The following THBS2 variants were observed in gnomAD, a reference collection of about 807,000 sequenced individuals.
THBS2 encodes thrombospondin 2, also known as thrombospondin-2.
In THBS2, 47 loss-of-function variants were observed where a neutral mutation model predicts 135.2. The observed-to-expected ratio is 0.35, with a 90% CI of 0.28 to 0.44. THBS2 has a LOEUF of 0.44. Ranked by LOEUF, THBS2 falls within the 20% of genes least tolerant of loss-of-function variation. THBS2 has a pLI of 1.00. For synonymous variants in THBS2, 639 were observed against 633.8 expected (o/e 1.01, Z -0.12); for missense variants, 1,288 against 1,603.1 (o/e 0.80, Z 3.36).
intron 4 of THBS2, among the ~76,000 whole-genome samples, chr6:169,242,609 TTCCCACCGC>T (rs201139005): frequency 2.2e-4 from 17 of 76,346 alleles, no homozygotes; most frequent in South Asian, 1.1e-3. Flanking sequence ...CATTCCCACC[TTCCCACCGC>T]TCCCACCTTC....
At chr6:169,232,248 G>A (rs745380027) in intron 12 of THBS2, 50 bp from the exon 13 acceptor site, 2 of 1,597,328 alleles carry the variant, frequency 1.3e-6, no homozygotes, top group Non-Finnish European at 1.7e-6. Context: ...CGATGGCTCC[G>A]GAGGCGTCGA....
intron 1 of THBS2, among the ~76,000 whole-genome samples, chr6:169,251,708 C>T (rs1425919032): frequency 6.6e-6 from 1 of 152,158 alleles, no homozygotes; most frequent in Admixed American, 6.5e-5. Flanking sequence ...AAGGACTCTC[C>T]CTCTCCAGAA....
chr6:169,221,734 A>T (rs7382431), intron 19 of THBS2, among the ~76,000 whole-genome samples: 108,849 of 152,098 alleles, frequency 0.72, 39,637 homozygotes, highest in African/African-American at 0.85. Flanking sequence ...GCTGAGAGCC[A>T]AGGCACCTGA....
intron 4 of THBS2, among the ~76,000 whole-genome samples, chr6:169,245,791 C>CAAAAAAAA: frequency 1.2e-5 from 1 of 84,946 alleles, no homozygotes. Flanking sequence ...GACTCTGGCT[C>CAAAAAAAA]AAAAAAAAAA....
At position 169,232,604 on chromosome 6, in the gene THBS2, G is replaced by A. The variant is rs1779883903; in HGVS notation, c.1932+60C>T. ...CTCTCCTTCCTCCTGCTGCTTTTCT[G>A]AGCTCATCTGATTTTTCCAAAGCCG... On this transcript the variant is annotated intron_variant, in intron 12 of 21. Transcript: ENST00000617924. The A allele has an allele frequency of 1.9e-6, 3 of 1,541,482 alleles. No homozygotes were observed. The East Asian group carries it at 6.8e-5, about 35-fold the overall frequency.
chr6:169,232,627 C>T lies in THBS2; in HGVS notation c.1932+37G>A, dbSNP rs769360952. On this transcript the variant is annotated intron_variant, in intron 12 of 21. Transcript: ENST00000617924. ...CTGAGCTCATCTGATTTTTCCAAAG[C>T]CGCTCGCAACACACAAGGAAGGCCG... 6.4e-6 allele frequency: 10 copies of T among 1,556,318 alleles called. No individual in the cohort carries two copies. The Admixed American group carries it at 1.9e-4, about 30-fold the overall frequency.
At chr6:169,225,501 C>T (rs573267091) in intron 16 of THBS2, 122 bp from the exon 17 acceptor site, 40 of 1,003,882 alleles carry the variant, frequency 4.0e-5, no homozygotes, top group South Asian at 1.1e-4. Flanking sequence ...CCCAGGGCCA[C>T]GCAGGGGCGG....
intron 9 of THBS2, among the ~76,000 whole-genome samples, chr6:169,236,198 TG>T (rs1780053113): frequency 3.4e-5 from 2 of 59,268 alleles, no homozygotes; most frequent in East Asian, 5.7e-4. Context: ...CCACACTCAT[TG>T]CCCCATAAAC....
At chr6:169,227,871 C>G (rs1446402561) in intron 15 of THBS2, among the ~76,000 whole-genome samples, 2 of 152,136 alleles carry the variant, frequency 1.3e-5, no homozygotes, top group Non-Finnish European at 2.9e-5. Context: ...CATTTGAGGT[C>G]AGGAGCTTGA....
chr6:169,231,942 G>A (rs1404655746), intron 13 of THBS2, 38 bp downstream of exon 13: 5 of 1,604,202 alleles, frequency 3.1e-6, no homozygotes, highest in African/African-American at 1.3e-5. Context: ...AGGGCTGACC[G>A]CCGTGGCCCC....
intron 1 of THBS2, among the ~76,000 whole-genome samples, chr6:169,253,204 A>G (rs543730843): frequency 1.3e-5 from 2 of 152,020 alleles, no homozygotes; most frequent in Non-Finnish European, 2.9e-5. Context: ...TAATGTTAAC[A>G]ATCAGAGTCT....
chr6:169,249,500 TAG>T (rs997329261), intron 2 of THBS2, among the ~76,000 whole-genome samples: 1 of 152,214 alleles, frequency 6.6e-6, no homozygotes, highest in African/African-American at 2.4e-5. Flanking sequence ...TTGCTATTGA[TAG>T]AGTGTCAGAA....
chr6:169,226,919 G>C (rs2114985226), intron 15 of THBS2, among the ~76,000 whole-genome samples: 1 of 152,278 alleles, frequency 6.6e-6, no homozygotes, highest in Non-Finnish European at 1.5e-5. Flanking sequence ...GGTCAGGTGA[G>C]GTCTGGAGAA....
intron 18 of THBS2, among the ~76,000 whole-genome samples, chr6:169,222,948 T>C (rs968674645): frequency 1.3e-5 from 2 of 152,176 alleles, no homozygotes; most frequent in African/African-American, 2.4e-5. Flanking sequence ...ATTAGTGGAA[T>C]TGAAGGTATT....
At chr6:169,250,135 C>G (rs56003273) in intron 2 of THBS2, among the ~76,000 whole-genome samples, 60 of 152,034 alleles carry the variant, frequency 3.9e-4, no homozygotes, top group African/African-American at 1.4e-3. Context: ...GGGTTGCTGA[C>G]AGAAGTGGGC....
At chr6:169,253,069 C>T (rs550644976) in intron 1 of THBS2, among the ~76,000 whole-genome samples, 8 of 152,278 alleles carry the variant, frequency 5.3e-5, no homozygotes, top group East Asian at 3.9e-4. Context: ...TGTTAAAAGT[C>T]GCTGTGTGTC....
intron 10 of THBS2, chr6:169,234,468 G>A (rs142126016): frequency 4.4e-5 from 17 of 387,722 alleles, no homozygotes; most frequent in Non-Finnish European, 7.4e-5. Context: ...CATTCCACAG[G>A]CCACACCACA....
At chr6:169,221,611 A>T in intron 19 of THBS2, 84 bp from the exon 20 acceptor site, 1 of 1,245,984 alleles carries the variant, frequency 8.0e-7, no homozygotes, top group Non-Finnish European at 1.2e-6. Flanking sequence ...GGAAGCAAAA[A>T]CATGACTTTG....
intron 18 of THBS2, among the ~76,000 whole-genome samples, chr6:169,222,807 AG>A (rs1207360084): frequency 1.1e-4 from 8 of 71,536 alleles, no homozygotes; most frequent in Admixed American, 5.4e-4. Flanking sequence ...AAAAAAAAAA[AG>A]AAAAAAAAGA....
Sources: gnomAD v4.1 joint callset for allele counts (sites outside exome capture counted in the v4.1 genomes callset) on GRCh38, gnomAD v4.1.1 for gene constraint, MANE v1.5 for transcripts, NCBI Gene and HGNC (gene_info 2026-07-23, HGNC 2026-07-21) for gene names.